RELL1: variants seen among roughly 807,000 people sequenced by gnomAD.
RELL1 encodes the protein RELT like 1, also known as RELT-like protein 1.
In RELL1, 10 loss-of-function variants were observed where a neutral mutation model predicts 23.0. The ratio of observed to expected loss-of-function variants is 0.43; its 90% CI spans 0.27 to 0.74. RELL1 has a LOEUF of 0.74. Among genes scored for constraint, RELL1 ranks in the 30% least tolerant of loss-of-function variants. RELL1 has a pLI of 0.19. For missense variants in RELL1, 315 were observed against 364.4 expected, an observed-to-expected ratio of 0.86 and a Z score of 1.10; for synonymous variants, 146 against 146.8, an observed-to-expected ratio of 0.99 and a Z score of 0.04.
intron 1 of RELL1, among the ~76,000 whole-genome samples, chr4:37,677,693 G>A (rs1020468452): frequency 8.5e-5 from 13 of 152,200 alleles, no homozygotes; most frequent in African/African-American, 2.9e-4. Flanking sequence ...ACCTGAGGCT[G>A]GGCACGGTGG....
intron 3 of RELL1, among the ~76,000 whole-genome samples, chr4:37,644,425 C>CT (rs1182092133): frequency 8.5e-5 from 11 of 129,562 alleles, no homozygotes; most frequent in African/African-American, 3.0e-4. Flanking sequence ...TCATCTGGTA[C>CT]TTTTATTTTT....
intron 3 of RELL1, among the ~76,000 whole-genome samples, chr4:37,641,205 C>T (rs1720521105): frequency 6.6e-6 from 1 of 152,092 alleles, no homozygotes; most frequent in South Asian, 2.1e-4. Context: ...GAGTGAGTCT[C>T]TAGGACTCAC....
chr4:37,596,730 ATATATATTTTT>A (rs1336616622), intron 6 of RELL1, among the ~76,000 whole-genome samples: 2 of 16,990 alleles, frequency 1.2e-4, no homozygotes, highest in East Asian at 1.9e-3. Flanking sequence ...ATATATATAT[ATATATATTTTT>A]TTTTTTTTTT....
chr4:37,623,529 T>C (rs1560333389), intron 6 of RELL1: 1 of 152,178 alleles, frequency 6.6e-6, no homozygotes, highest in African/African-American at 2.4e-5. Flanking sequence ...TAAAATAGGA[T>C]ATTATTACCT....
chr4:37,675,918 T>A (rs947264294), intron 1 of RELL1, among the ~76,000 whole-genome samples: 3 of 152,182 alleles, frequency 2.0e-5, no homozygotes, highest in Non-Finnish European at 4.4e-5. Flanking sequence ...GGCTCAGAGA[T>A]CTGTTTTAAC....
chr4:37,630,313 G>A (rs567284725), intron 6 of RELL1, among the ~76,000 whole-genome samples: 12 of 148,928 alleles, frequency 8.1e-5, no homozygotes, highest in African/African-American at 3.0e-4. Context: ...TGAAAGTTAA[G>A]CCACTATCAA....
intron 3 of RELL1, among the ~76,000 whole-genome samples, chr4:37,646,069 C>A (rs891344344): frequency 2.6e-5 from 4 of 152,176 alleles, no homozygotes; most frequent in African/African-American, 9.7e-5. Context: ...TATCAGTCCA[C>A]GAGCCCATGC....
chr4:37,605,707 ACTCT>A (rs1719171270), downstream of RELL1, among the ~76,000 whole-genome samples: 1 of 150,972 alleles, frequency 6.6e-6, no homozygotes, highest in African/African-American at 2.4e-5. Flanking sequence ...GTACCACTGC[ACTCT>A]GGCCTGGGCG....
intron 1 of RELL1, among the ~76,000 whole-genome samples, chr4:37,673,193 T>TTTTTTC: frequency 9.2e-6 from 1 of 109,084 alleles, no homozygotes; most frequent in East Asian, 2.6e-4. Flanking sequence ...TTTCTTTTTT[T>TTTTTTC]TTTTTTTTTT....
At chr4:37,670,969 A>T (rs549216550) in intron 1 of RELL1, among the ~76,000 whole-genome samples, 1 of 152,318 alleles carries the variant, frequency 6.6e-6, no homozygotes, top group South Asian at 2.1e-4. Context: ...ACGTTTTCAT[A>T]TTATGAGTTG....
At position 37,611,526 on chromosome 4, in the gene RELL1, T is replaced by C. The variant is rs1218945787; in HGVS notation, c.*1820A>G. On this transcript the variant is annotated 3_prime_UTR_variant, in exon 7 of 7. Coordinates refer to ENST00000454158, the MANE Select transcript of RELL1 (RefSeq NM_001085400.2). ...TTGAAGTATATTTTTATGGAAATCA[T>C]CTTTTGGGAGACAAATGAAAGATGT... Among the ~76,000 whole-genome samples, 1 of 152,208 alleles carries C rather than the reference T, an allele frequency of 6.6e-6. No homozygotes were observed. The highest frequency in any genetic ancestry group is 1.5e-5 in the Non-Finnish European group (1 of 68,034).
intron 6 of RELL1, among the ~76,000 whole-genome samples, chr4:37,604,832 TACACACAG>T (rs1560323722): frequency 2.1e-4 from 20 of 93,796 alleles, no homozygotes; most frequent in East Asian, 1.1e-3. Flanking sequence ...GACACACACA[TACACACAG>T]ACACACACAC....
intron 3 of RELL1, among the ~76,000 whole-genome samples, chr4:37,644,675 G>T (rs1281297809): frequency 6.6e-6 from 1 of 151,788 alleles, no homozygotes; most frequent in Middle Eastern, 3.2e-3. Flanking sequence ...GGCCAGGCTG[G>T]TCTCGAACTC....
intron 6 of RELL1, among the ~76,000 whole-genome samples, chr4:37,596,013 G>A (rs59326042): frequency 0.011 from 1,660 of 152,266 alleles, 26 homozygotes; most frequent in African/African-American, 0.037. Context: ...GTGCGCCCAG[G>A]GTTGACCCTT....
At chr4:37,590,179 A>C (rs907244236), downstream of RELL1, 3 of 1,614,222 alleles carry the variant, frequency 1.9e-6, no homozygotes, top group East Asian at 2.2e-5. Context: ...TGATAAATTA[A>C]AAGGCAAATG....
At chr4:37,618,948 C>T (rs1719672897) in intron 6 of RELL1, among the ~76,000 whole-genome samples, 1 of 151,972 alleles carries the variant, frequency 6.6e-6, no homozygotes, top group South Asian at 2.1e-4. Flanking sequence ...GGTGTGATCT[C>T]GTCTCACTGC....
In RELL1 at chr4:37,595,556, G is replaced by T. The variant is rs1046037450; in HGVS notation, c.*4-4339C>A. 3.7e-5 allele frequency among the ~76,000 whole-genome samples: 3 copies of T among 81,170 alleles called. No individual in the cohort carries two copies. In the South Asian group the frequency reaches 1.1e-3, roughly 29 times the overall value. The allele number at this position is 81,170 out of a possible 152,430, so 53.3% of individuals were successfully genotyped here. Reference sequence around the variant, plus strand: ...GGGGAGATATCATGCAGGTAGCCAGGATTGTGCTGGATTGTGACATGGTGT... The same window carrying T: ...GGGGAGATATCATGCAGGTAGCCAGTATTGTGCTGGATTGTGACATGGTGT... On this transcript the variant is annotated intron_variant, in intron 6 of 6. Coordinates refer to the RELL1 transcript ENST00000314117.
intron 6 of RELL1, among the ~76,000 whole-genome samples, chr4:37,598,094 T>TATATATATATATATAA (rs1000920633): frequency 7.1e-6 from 1 of 140,262 alleles, no homozygotes; most frequent in Non-Finnish European, 1.5e-5. Flanking sequence ...TATATATATA[T>TATATATATATATATAA]AACTCCTCCT....
Position 37,604,810 on chromosome 4 carries a change from G to GACACACAGACACAC in RELL1, c.*4-13594_*4-13593insGTGTGTCTGTGTGT, listed in dbSNP as rs1719117604. 3.0e-3 allele frequency among the ~76,000 whole-genome samples: 222 copies of GACACACAGACACAC among 73,632 alleles called. 9 individuals carry two copies. Among genetic ancestry groups the GACACACAGACACAC allele is most frequent in the Middle Eastern group, 0.022 (3 of 136 alleles). The allele number at this position is 73,632 out of a possible 152,430, so 48.3% of individuals were successfully genotyped here. On this transcript the variant is annotated intron_variant, in intron 6 of 6. Transcript: ENST00000314117. ...AGACACACACACAGACACACACACA[G>GACACACAGACACAC]ACACACACACAGACACACACATACA...
Sources: allele counts gnomAD v4.1 joint callset (sites outside exome capture counted in the v4.1 genomes callset), GRCh38; gene constraint gnomAD v4.1.1; transcripts MANE v1.5; gene names NCBI Gene and HGNC (gene_info 2026-07-23, HGNC 2026-07-21).